Variants in SCOC observed in about 807,000 individuals in gnomAD.
SCOC encodes the protein short coiled-coil protein, also known as short coiled coil protein.
A neutral mutation model predicts 9.9 loss-of-function variants in SCOC; 7 were observed. The observed-to-expected ratio is 0.71, with a 90% CI of 0.40 to 1.33. The LOEUF is 1.33. Ranked by LOEUF, SCOC falls within the 40% of genes most tolerant of loss-of-function variation. The pLI, the probability that SCOC is intolerant of heterozygous loss-of-function variation, is 0.01. For missense variants in SCOC, 66 were observed against 89.7 expected, an observed-to-expected ratio of 0.74 and a Z score of 1.07; for synonymous variants, 19 against 28.2, an observed-to-expected ratio of 0.67 and a Z score of 1.03.
intron 1 of SCOC, among the ~76,000 whole-genome samples, chr4:140,258,651 C>T (rs1286484421): frequency 2.0e-5 from 3 of 152,176 alleles, no homozygotes; most frequent in African/African-American, 7.2e-5. Context: ...TAGATTGTGT[C>T]TGAGTTGGAG....
intron 1 of SCOC, among the ~76,000 whole-genome samples, chr4:140,300,782 G>A (rs527276617): frequency 9.8e-5 from 15 of 152,324 alleles, no homozygotes; most frequent in African/African-American, 1.9e-4. Context: ...TGTCTAAGTG[G>A]TTTTAAGGAA....
intron 1 of SCOC, among the ~76,000 whole-genome samples, chr4:140,296,613 C>A (rs1293592103): frequency 6.6e-6 from 1 of 152,142 alleles, no homozygotes; most frequent in African/African-American, 2.4e-5. Context: ...TCCTGGTAAA[C>A]CGGGTGACAT....
At chr4:140,274,127 C>A (rs541402686) in intron 1 of SCOC, among the ~76,000 whole-genome samples, 1 of 152,332 alleles carries the variant, frequency 6.6e-6, no homozygotes, top group East Asian at 1.9e-4. Flanking sequence ...TCCTAAGCTA[C>A]TATGTATCAC....
Position 140,381,196 on chromosome 4 carries a change from C to A in SCOC, c.*92C>A. ...TCCAAAAGTTACAGTACCTTTGTGG[C>A]TTCATTGAATATTTATGAAGATAAT... On this transcript the variant is annotated 3_prime_UTR_variant, in exon 4 of 4. Coordinates refer to ENST00000608372, the MANE Select transcript of SCOC (RefSeq NM_001153484.2). The A allele has an allele frequency of 1.6e-6, 2 of 1,228,046 alleles. No homozygotes were observed. The highest frequency in any genetic ancestry group is 1.1e-6 in the Non-Finnish European group (1 of 888,728). The allele number at this position is 1,228,046 out of a possible 1,614,324, so 76.1% of individuals were successfully genotyped here.
chr4:140,299,282 G>A (rs915049824), intron 1 of SCOC, among the ~76,000 whole-genome samples: 2 of 152,242 alleles, frequency 1.3e-5, no homozygotes, highest in Non-Finnish European at 2.9e-5. Flanking sequence ...TGTGAGGGAT[G>A]TAAAGTGTGG....
At chr4:140,258,371 A>G (rs1026792389) in intron 1 of SCOC, among the ~76,000 whole-genome samples, 1 of 152,226 alleles carries the variant, frequency 6.6e-6, no homozygotes, top group Admixed American at 6.5e-5. Flanking sequence ...CCTTGAGGCC[A>G]GCTTCTGTTT....
intron 2 of SCOC, among the ~76,000 whole-genome samples, chr4:140,355,893 A>T (rs898497539): frequency 6.6e-6 from 1 of 152,174 alleles, no homozygotes; most frequent in Non-Finnish European, 1.5e-5. Flanking sequence ...TATTTATGCA[A>T]TTTTTTTCAT....
intron 3 of SCOC, 74 bp from the exon 4 acceptor site, chr4:140,380,888 A>C: frequency 8.6e-7 from 1 of 1,167,152 alleles, no homozygotes; most frequent in South Asian, 1.8e-5. Flanking sequence ...TTTAAGAATG[A>C]ATCCTAAGAA....
rs192048849 is a variant in SCOC, at chr4:140,287,752, C to T, written c.-19+30342C>T. On this transcript the variant is annotated intron_variant, in intron 1 of 4. Coordinates refer to the SCOC transcript ENST00000394205. ...GGCCACACCATATGTACACCACAAA[C>T]CACACTCATGTGCATGCACTATACG... Among the ~76,000 whole-genome samples the T allele has an allele frequency of 1.7e-3, 259 of 152,128 alleles. 1 individual carries two copies. The highest frequency in any genetic ancestry group is 3.1e-3 in the Non-Finnish European group (208 of 67,962).
At chr4:140,312,318 A>G (rs1250347643) in intron 1 of SCOC, among the ~76,000 whole-genome samples, 1 of 152,242 alleles carries the variant, frequency 6.6e-6, no homozygotes, top group African/African-American at 2.4e-5. Context: ...AGCTTGATAA[A>G]AAGGAAAAAC....
At chr4:140,375,907 C>T (rs1728322874) in intron 1 of SCOC, among the ~76,000 whole-genome samples, 1 of 152,110 alleles carries the variant, frequency 6.6e-6, no homozygotes, top group African/African-American at 2.4e-5. Flanking sequence ...GCAGCCTCAG[C>T]GCCCCAAATT....
At chr4:140,365,827 T>A (rs1457080631) in intron 2 of SCOC, among the ~76,000 whole-genome samples, 1 of 152,260 alleles carries the variant, frequency 6.6e-6, no homozygotes, top group Non-Finnish European at 1.5e-5. Flanking sequence ...ACAACATATA[T>A]ACAAAATATG....
At chr4:140,307,164 T>C (rs1302275033) in intron 1 of SCOC, among the ~76,000 whole-genome samples, 1 of 152,236 alleles carries the variant, frequency 6.6e-6, no homozygotes, top group Non-Finnish European at 1.5e-5. Flanking sequence ...GTCTTGATCT[T>C]GGACTTCCCA....
intron 1 of SCOC, among the ~76,000 whole-genome samples, chr4:140,328,793 C>T (rs1404408386): frequency 1.3e-5 from 2 of 152,192 alleles, no homozygotes; most frequent in Non-Finnish European, 2.9e-5. Context: ...GTCACTGCCA[C>T]CCTGGCTATC....
chr4:140,354,005 G>C (rs924626597), intron 2 of SCOC, among the ~76,000 whole-genome samples: 1 of 152,194 alleles, frequency 6.6e-6, no homozygotes, highest in Non-Finnish European at 1.5e-5. Context: ...GTAGTGTGAC[G>C]TTAGTAAAAG....
chr4:140,374,049 A>C, intron 1 of SCOC: 1 of 521,496 alleles, frequency 1.9e-6, no homozygotes, highest in Non-Finnish European at 3.7e-6. Flanking sequence ...CGGCTCTGGA[A>C]TTGGACTGCG....
rs542330146 is a variant in SCOC, at chr4:140,280,855, C to G, written c.-19+23445C>G. Among the ~76,000 whole-genome samples, 80 of 152,032 alleles carry G rather than the reference C, an allele frequency of 5.3e-4. 1 individual carries two copies. Among genetic ancestry groups the G allele is most frequent in the Non-Finnish European group, 9.3e-4 (63 of 68,036 alleles). The stretch of plus-strand genomic sequence containing the variant: ...TTGCGACCTGAAAATGTTTAAGAAC[C>G]CCTCACATGGATGTGGAGATTTGAG... On this transcript the variant is annotated intron_variant, in intron 1 of 4. Transcript: ENST00000394205.
At chr4:140,326,790 T>C (rs1482377240) in intron 1 of SCOC, among the ~76,000 whole-genome samples, 1 of 152,160 alleles carries the variant, frequency 6.6e-6, no homozygotes, top group Non-Finnish European at 1.5e-5. Flanking sequence ...TAGGAGACCA[T>C]AACAAAATTA....
chr4:140,309,390 T>C (rs1420097778), intron 1 of SCOC, among the ~76,000 whole-genome samples: 1 of 152,196 alleles, frequency 6.6e-6, no homozygotes, highest in East Asian at 1.9e-4. Flanking sequence ...GAGTCACTGA[T>C]AGGTGATGGG....
Sources: gnomAD v4.1 joint callset for allele counts (sites outside exome capture counted in the v4.1 genomes callset) on GRCh38, gnomAD v4.1.1 for gene constraint, MANE v1.5 for transcripts, NCBI Gene and HGNC (gene_info 2026-07-23, HGNC 2026-07-21) for gene names.